Variants in DNAAF9 observed in about 807,000 individuals in gnomAD.
DNAAF9 encodes the protein dynein axonemal assembly factor 9.
In DNAAF9, 90 loss-of-function variants were observed where a neutral mutation model predicts 167.0. The observed-to-expected ratio is 0.54, with a 90% CI of 0.45 to 0.64. DNAAF9 has a LOEUF of 0.64. Ranked by LOEUF, DNAAF9 falls within the 30% of genes least tolerant of loss-of-function variation. The pLI is 0.00. For missense variants in DNAAF9, 1,315 were observed against 1,442.2 expected, an observed-to-expected ratio of 0.91 and a Z score of 1.43; for synonymous variants, 491 against 508.8, an observed-to-expected ratio of 0.96 and a Z score of 0.47.
intron 20 of DNAAF9, among the ~76,000 whole-genome samples, chr20:3,306,451 A>G (rs2069295287): frequency 6.6e-6 from 1 of 152,212 alleles, no homozygotes; most frequent in Non-Finnish European, 1.5e-5. Context: ...GTATTTACTA[A>G]GCACCACACA....
At chr20:3,267,556 A>G (rs953241867) in intron 30 of DNAAF9, among the ~76,000 whole-genome samples, 7 of 143,560 alleles carry the variant, frequency 4.9e-5, no homozygotes, top group Non-Finnish European at 1.1e-4. Context: ...TAATGAATTT[A>G]TATTGAATCT....
At chr20:3,327,005 C>T (rs2069723148) in intron 12 of DNAAF9, among the ~76,000 whole-genome samples, 1 of 152,132 alleles carries the variant, frequency 6.6e-6, no homozygotes, top group Non-Finnish European at 1.5e-5. Flanking sequence ...AGTTTCATAT[C>T]GTCTTTTCAC....
intron 31 of DNAAF9, among the ~76,000 whole-genome samples, chr20:3,262,965 CTTTTTTTTTTTTT>C (rs796491974): frequency 2.1e-4 from 17 of 81,326 alleles, no homozygotes; most frequent in East Asian, 7.9e-4. Flanking sequence ...CATAGCAGAT[CTTTTTTTTTTTTT>C]TTTTTTTTTT....
At chr20:3,293,292 CAAAAA>C (rs1172725572) in intron 25 of DNAAF9, among the ~76,000 whole-genome samples, 2 of 22,862 alleles carry the variant, frequency 8.7e-5, no homozygotes, top group African/African-American at 1.7e-4. Flanking sequence ...GACTCCGTCT[CAAAAA>C]AAAAAAAAAA....
intron 1 of DNAAF9, among the ~76,000 whole-genome samples, chr20:3,383,332 G>T (rs1600900196): frequency 7.1e-6 from 1 of 140,076 alleles, no homozygotes; most frequent in African/African-American, 2.7e-5. Flanking sequence ...GAAGTACAGT[G>T]ATCTTGGCTC....
At chr20:3,309,961 G>A (rs888727238) in intron 20 of DNAAF9, among the ~76,000 whole-genome samples, 2 of 152,168 alleles carry the variant, frequency 1.3e-5, no homozygotes, top group African/African-American at 4.8e-5. Flanking sequence ...GGGAGGCTGT[G>A]GCAGGCAGAT....
chr20:3,252,373 C>G lies in DNAAF9; in HGVS notation c.*199G>C, dbSNP rs2068207218. On this transcript the variant is annotated 3_prime_UTR_variant, in exon 37 of 37. Coordinates refer to ENST00000252032, the MANE Select transcript of DNAAF9 (RefSeq NM_001009984.3). Reference sequence around the variant, plus strand: ...TCATCCTTGAGTATTCCCCCGACCCCCAAAATCAATGGTGCAGGTGATGCT... The same window carrying G: ...TCATCCTTGAGTATTCCCCCGACCCGCAAAATCAATGGTGCAGGTGATGCT... 1.2e-5 allele frequency: 6 copies of G among 502,134 alleles called. No homozygotes were observed. The highest frequency in any genetic ancestry group is 3.3e-5 in the Admixed American group (1 of 30,234). 31.1% of individuals were successfully genotyped at this position (502,134 alleles called of 1,614,324 possible).
At chr20:3,380,718 CTTTTA>C (rs774910694) in intron 3 of DNAAF9, among the ~76,000 whole-genome samples, 3 of 152,200 alleles carry the variant, frequency 2.0e-5, no homozygotes, top group South Asian at 2.1e-4. Context: ...CTCTTGTCCA[CTTTTA>C]TTTTGTCTAT....
At chr20:3,301,687 A>G (rs530330111) in intron 21 of DNAAF9, among the ~76,000 whole-genome samples, 1 of 152,272 alleles carries the variant, frequency 6.6e-6, no homozygotes, top group Non-Finnish European at 1.5e-5. Flanking sequence ...TTAATACTAT[A>G]TTAGTGTAAT....
chr20:3,256,125 G>A lies in DNAAF9; in HGVS notation c.3142C>T (p.Pro1048Ser), dbSNP rs765001505. 9.9e-6 allele frequency: 16 copies of A among 1,614,012 alleles called. No homozygotes were observed. The South Asian group carries it at 1.6e-4, about 17-fold the overall frequency. ...TCTTGAGATACGCTTTTGGAGTCTG[G>A]TGGTGGTGTGGGTCCTTCCAAAACT... ...MPVLEGPTPP[P>S]DSKSVSQDSS... Residue 1048 changes from proline (P) to serine (S), a missense_variant, in exon 34 of 37, where the codon CCA becomes TCA. This residue lies in a region of DNAAF9 where 334 missense variants were observed against 429.7 expected (regional missense o/e 0.78). Transcript: ENST00000252032.
chr20:3,347,881 C>A (rs2070227768), intron 8 of DNAAF9, among the ~76,000 whole-genome samples: 1 of 152,054 alleles, frequency 6.6e-6, no homozygotes, highest in Admixed American at 6.5e-5. Context: ...GAGATCATGC[C>A]ACTGCACTCC....
At chr20:3,369,608 C>A (rs982741429) in intron 6 of DNAAF9, among the ~76,000 whole-genome samples, 7 of 151,990 alleles carry the variant, frequency 4.6e-5, no homozygotes, top group Non-Finnish European at 7.4e-5. Context: ...AACTCCTGAC[C>A]TCAAGTGATC....
intron 20 of DNAAF9, among the ~76,000 whole-genome samples, chr20:3,310,235 AAG>A (rs1001499502): frequency 3.3e-5 from 5 of 151,254 alleles, no homozygotes; most frequent in African/African-American, 1.2e-4. Flanking sequence ...GATCGAGAGA[AAG>A]AGAGAGAAAC....
chr20:3,389,604 CA>C (rs201488515), intron 1 of DNAAF9, among the ~76,000 whole-genome samples: 11 of 134,500 alleles, frequency 8.2e-5, no homozygotes, highest in Admixed American at 7.4e-5. Context: ...CTGTCTCTAC[CA>C]AAAAAAAAAG....
chr20:3,366,251 G>C (rs934659029), intron 6 of DNAAF9, among the ~76,000 whole-genome samples: 7 of 152,092 alleles, frequency 4.6e-5, no homozygotes, highest in African/African-American at 1.7e-4. Context: ...TTGATCCATG[G>C]GCTGCAGAAT....
At chr20:3,357,283 C>A (rs570416837) in intron 7 of DNAAF9, among the ~76,000 whole-genome samples, 2 of 151,974 alleles carry the variant, frequency 1.3e-5, no homozygotes, top group Non-Finnish European at 2.9e-5. Context: ...ACCAGCCTGG[C>A]CAACATGGCA....
chr20:3,301,178 C>CTTTTTTTTTTTTTTTT (rs11469332), intron 21 of DNAAF9, among the ~76,000 whole-genome samples: 1 of 125,154 alleles, frequency 8.0e-6, no homozygotes, highest in African/African-American at 3.0e-5. Flanking sequence ...TCATGCTTGG[C>CTTTTTTTTTTTTTTTT]TTTTTTTTTT....
chr20:3,284,859 T>C (rs916132514), intron 27 of DNAAF9, among the ~76,000 whole-genome samples: 25 of 151,972 alleles, frequency 1.6e-4, no homozygotes, highest in Middle Eastern at 3.2e-3. Context: ...TTACTTATAT[T>C]TGTGTGTGTG....
chr20:3,327,590 A>G (rs901897757), intron 12 of DNAAF9, among the ~76,000 whole-genome samples: 12 of 152,202 alleles, frequency 7.9e-5, no homozygotes, highest in African/African-American at 2.9e-4. Context: ...GGAATCAGGT[A>G]AAGGAAGGTG....
Sources: allele counts gnomAD v4.1 joint callset (sites outside exome capture counted in the v4.1 genomes callset), GRCh38; gene constraint gnomAD v4.1.1; regional missense constraint gnomAD v4.1.1; transcripts MANE v1.5; gene names NCBI Gene and HGNC (gene_info 2026-07-23, HGNC 2026-07-21).